Variants in RAB9B observed in about 807,000 individuals in gnomAD.
RAB9B encodes the protein ras-related protein Rab-9B.
In RAB9B, 1 loss-of-function variant was observed where a neutral mutation model predicts 8.9. That is an observed-to-expected ratio of 0.11 (90% CI 0.04 to 0.53). The LOEUF is 0.53. Ranked by LOEUF, RAB9B falls within the 20% of genes least tolerant of loss-of-function variation. The pLI is 0.93. For missense variants in RAB9B, 82 were observed against 152.9 expected, an observed-to-expected ratio of 0.54 and a Z score of 2.45; for synonymous variants, 63 against 57.0, an observed-to-expected ratio of 1.10 and a Z score of -0.47.
At chrX:103,807,015 C>T in the RAB9B span, among the ~76,000 whole-genome samples, 1 of 111,810 alleles carries the variant, frequency 8.9e-6, no homozygotes, top group African/African-American at 3.3e-5. Context: ...TCCTCGTGGC[C>T]CAAAGCCTGC....
Position 103,831,365 on chromosome X carries a change from T to C in RAB9B, c.-117+695A>G, listed in dbSNP as rs1433780383. ...CAGCTACATCCATGCCGACTCCAAA[T>C]GCCACAGCTGTCATGCCACTGAAAC... On this transcript the variant is annotated intron_variant, in intron 1 of 2. Transcript: ENST00000243298. Among the ~76,000 whole-genome samples, 3 of 106,601 alleles carry C rather than the reference T, an allele frequency of 2.8e-5. No homozygotes were observed. The East Asian group carries it at 8.8e-4, about 31-fold the overall frequency. 92.6% of individuals were successfully genotyped at this position (106,601 alleles called of 115,157 possible).
chrX:103,822,586 G>C lies in RAB9B; in HGVS notation c.*2593C>G, dbSNP rs1451518377. 1 of 111,399 alleles carries C rather than the reference G, an allele frequency of 9.0e-6. No individual in the cohort carries two copies. The allele number at this position is 111,399 out of a possible 1,213,427, so 9.2% of individuals were successfully genotyped here. A position where few individuals can be genotyped will look rare whatever the true frequency, so the allele number is the denominator to read the frequency against. ...TGACAATAAACTAAATAAATATTCT[G>C]TATGATGTTTTAACAGACCATTGAA... is the stretch of plus-strand genomic sequence containing the variant. On this transcript the variant is annotated 3_prime_UTR_variant, in exon 3 of 3. Transcript: ENST00000243298.
At chrX:103,781,277 C>A in the RAB9B span, 16 of 323,384 alleles carry the variant, frequency 4.9e-5, no homozygotes, top group Admixed American at 5.0e-4. Context: ...GCATCAGGAT[C>A]AACACAGTCC....
intron 1 of RAB9B, among the ~76,000 whole-genome samples, chrX:103,830,665 C>T (rs1602404136): frequency 1.8e-5 from 2 of 110,931 alleles, no homozygotes; most frequent in East Asian, 5.6e-4. Flanking sequence ...TAGGAATTTC[C>T]ATAACCAATA....
the RAB9B span, among the ~76,000 whole-genome samples, chrX:103,780,439 CTGTG>C: frequency 1.1e-4 from 11 of 102,508 alleles, no homozygotes; most frequent in African/African-American, 2.6e-4. Flanking sequence ...CTGTCTCTCT[CTGTG>C]TGTGTGTGTG....
chrX:103,819,408 A>G (rs967971910), downstream of RAB9B, among the ~76,000 whole-genome samples: 2 of 110,915 alleles, frequency 1.8e-5, no homozygotes, highest in Non-Finnish European at 3.8e-5. Context: ...AGACATTTAT[A>G]TATAACTGAA....
chrX:103,780,433 C>CTGTGTGTGTG, the RAB9B span, among the ~76,000 whole-genome samples: 2 of 26,595 alleles, frequency 7.5e-5, no homozygotes, highest in Admixed American at 4.2e-4. Flanking sequence ...TTCATTCTGT[C>CTGTGTGTGTG]TCTCTCTGTG....
downstream of RAB9B, among the ~76,000 whole-genome samples, chrX:103,818,294 A>G (rs2074647395): frequency 8.9e-6 from 1 of 112,066 alleles, no homozygotes; most frequent in African/African-American, 3.2e-5. Flanking sequence ...ATATGGGGTT[A>G]AAAAGGAAGA....
the RAB9B span, chrX:103,790,956 A>G: frequency 7.8e-6 from 2 of 255,017 alleles, no homozygotes; most frequent in South Asian, 1.2e-4. Flanking sequence ...ACTGATGGAA[A>G]CAAAGTGGAA....
At chrX:103,821,539 A>G (rs1054449857), downstream of RAB9B, among the ~76,000 whole-genome samples, 1 of 111,816 alleles carries the variant, frequency 8.9e-6, no homozygotes, top group African/African-American at 3.3e-5. Context: ...GCCATTATGT[A>G]TATTCAAGCC....
intron 1 of RAB9B, among the ~76,000 whole-genome samples, chrX:103,831,833 G>A (rs187695234): frequency 7.0e-4 from 77 of 110,722 alleles, no homozygotes; most frequent in Middle Eastern, 9.2e-3. Flanking sequence ...GCGCCTCTCT[G>A]CTCGGCTCTG....
At chrX:103,784,302 G>T in the RAB9B span, among the ~76,000 whole-genome samples, 2 of 111,673 alleles carry the variant, frequency 1.8e-5, no homozygotes, top group Non-Finnish European at 3.8e-5. Context: ...GTGCCAGAAA[G>T]ATGTTTCATG....
chrX:103,805,504 T>G, the RAB9B span, among the ~76,000 whole-genome samples: 5 of 111,583 alleles, frequency 4.5e-5, no homozygotes, highest in Admixed American at 2.9e-4. Context: ...AATGGTCTCA[T>G]AGAATGAGTT....
intron 1 of RAB9B, among the ~76,000 whole-genome samples, chrX:103,829,242 G>A (rs977671761): frequency 9.0e-6 from 1 of 111,300 alleles, no homozygotes; most frequent in African/African-American, 3.3e-5. Context: ...TCCTCAACAA[G>A]CTTGAACATC....
chrX:103,798,355 G>C, the RAB9B span, among the ~76,000 whole-genome samples: 1 of 111,543 alleles, frequency 9.0e-6, no homozygotes, highest in African/African-American at 3.3e-5. Flanking sequence ...TAATATTTTA[G>C]TGAGAACAAT....
chrX:103,787,605 A>G, the RAB9B span: 1 of 469,420 alleles, frequency 2.1e-6, no homozygotes, highest in Non-Finnish European at 3.8e-6. Flanking sequence ...CCTCCGTTAT[A>G]CTGGGGCCAG....
chrX:103,816,526 G>C, the RAB9B span, among the ~76,000 whole-genome samples: 1 of 111,929 alleles, frequency 8.9e-6, no homozygotes, highest in East Asian at 2.8e-4. Context: ...CATGGGCAAA[G>C]ACTTCAAGTC....
chrX:103,803,778 A>G, the RAB9B span, among the ~76,000 whole-genome samples: 161 of 111,982 alleles, frequency 1.4e-3, 1 homozygote, highest in African/African-American at 4.9e-3. Flanking sequence ...GAGTTTTACC[A>G]TGTTGGCCAG....
At chrX:103,787,474 T>C in the RAB9B span, 2 of 348,078 alleles carry the variant, frequency 5.7e-6, no homozygotes, top group Non-Finnish European at 1.0e-5. Context: ...AGGCACAAAA[T>C]GGCACGACTT....
Sources: gnomAD v4.1 joint callset for allele counts (sites outside exome capture counted in the v4.1 genomes callset) on GRCh38, gnomAD v4.1.1 for gene constraint, MANE v1.5 for transcripts, NCBI Gene and HGNC (gene_info 2026-07-23, HGNC 2026-07-21) for gene names.